The following AIG1 variants were observed in gnomAD, a reference collection of about 807,000 sequenced individuals.
AIG1 encodes androgen-induced gene 1 protein.
In AIG1, 23 loss-of-function variants were observed where a neutral mutation model predicts 31.4. The observed-to-expected ratio is 0.73, with a 90% CI of 0.53 to 1.04. The LOEUF (loss-of-function observed/expected upper bound fraction) is 1.04. Ranked by LOEUF, AIG1 falls within the 50% of genes least tolerant of loss-of-function variation. The pLI is 0.00. For missense variants in AIG1, 274 were observed against 295.0 expected (o/e 0.93, Z 0.52); for synonymous variants, 100 against 110.5 (o/e 0.90, Z 0.60).
intron 3 of AIG1, among the ~76,000 whole-genome samples, chr6:143,255,312 A>G (rs1795303204): frequency 6.6e-6 from 1 of 152,146 alleles, no homozygotes; most frequent in South Asian, 2.1e-4. Flanking sequence ...TAAACAACAG[A>G]AATTTGTTTT....
At chr6:143,308,300 G>A (rs61523637) in intron 4 of AIG1, among the ~76,000 whole-genome samples, 8,476 of 152,308 alleles carry the variant, frequency 0.056, 758 homozygotes, top group African/African-American at 0.19. Context: ...CTTCTGCATC[G>A]CTCACGCTGG....
chr6:143,195,488 A>C (rs1450555419), intron 3 of AIG1, among the ~76,000 whole-genome samples: 6 of 152,178 alleles, frequency 3.9e-5, no homozygotes, highest in East Asian at 1.9e-4. Flanking sequence ...AGTTTTAAAC[A>C]AGGGGAAGAT....
At chr6:143,214,148 G>A (rs1263756562) in intron 3 of AIG1, among the ~76,000 whole-genome samples, 1 of 152,186 alleles carries the variant, frequency 6.6e-6, no homozygotes, top group Non-Finnish European at 1.5e-5. Context: ...ATGCCTCCGT[G>A]TTTTCCTACA....
chr6:143,297,027 A>G lies in AIG1; in HGVS notation c.515+12802A>G, dbSNP rs185378260. On this transcript the variant is annotated intron_variant, in intron 4 of 5. Transcript: ENST00000357847. This position sits in a 1 kb window ranked among gnomAD's most constrained non-coding sequence, Gnocchi z 5.1. ...CTTCAGCTCTGTCCTCAAGGAGCTT[A>G]CAGTCTATTGAAGGATACAGGGAAC... 8.5e-5 allele frequency among the ~76,000 whole-genome samples: 13 copies of G among 152,328 alleles called. No individual in the cohort carries two copies. Among genetic ancestry groups the G allele is most frequent in the Admixed American group, 8.5e-4 (13 of 15,304 alleles).
At position 143,292,552 on chromosome 6, in the gene AIG1, C is replaced by G. The variant is rs1285059304; in HGVS notation, c.515+8327C>G. ...CTCCCCTAGGGCTTCCAGAAAGGAACTCAGCCCTGCTGACACCTTAATTTT... is the reference window on the plus strand; with the variant it reads ...CTCCCCTAGGGCTTCCAGAAAGGAAGTCAGCCCTGCTGACACCTTAATTTT... On this transcript the variant is annotated intron_variant, in intron 4 of 5. Coordinates refer to ENST00000357847, the MANE Select transcript of AIG1 (RefSeq NM_016108.4). The surrounding 1 kb of genome is among the most constrained non-coding windows in gnomAD (Gnocchi z 4.9). Among the ~76,000 whole-genome samples the G allele has an allele frequency of 2.0e-5, 3 of 151,282 alleles. No individual in the cohort carries two copies. Among genetic ancestry groups the G allele is most frequent in the Admixed American group, 2.0e-4 (3 of 15,268 alleles).
chr6:143,125,680 G>A (rs1346456669), intron 1 of AIG1, among the ~76,000 whole-genome samples: 4 of 152,154 alleles, frequency 2.6e-5, no homozygotes, highest in East Asian at 1.9e-4. Flanking sequence ...GGAACATGGC[G>A]TGACTGTACC....
At chr6:143,075,314 T>TTTTTG (rs1228702765) in intron 1 of AIG1, among the ~76,000 whole-genome samples, 1 of 152,122 alleles carries the variant, frequency 6.6e-6, no homozygotes, top group African/African-American at 2.4e-5. Context: ...TTGTTGCTGT[T>TTTTTG]TTTTGTTTTG....
chr6:143,221,533 A>G (rs951484284), intron 3 of AIG1, among the ~76,000 whole-genome samples: 2 of 152,184 alleles, frequency 1.3e-5, no homozygotes, highest in Non-Finnish European at 2.9e-5. Context: ...AATAGAGAAA[A>G]ATATGATACA....
upstream of AIG1, chr6:143,060,572 G>A: frequency 2.6e-6 from 1 of 377,728 alleles, no homozygotes. Context: ...CTCAGAGGTC[G>A]CATCCACACC....
intron 3 of AIG1, among the ~76,000 whole-genome samples, chr6:143,222,520 A>G (rs1189871576): frequency 1.3e-5 from 2 of 152,114 alleles, no homozygotes; most frequent in Admixed American, 1.3e-4. Context: ...CAGCTCTGCC[A>G]CTGTCTGGTT....
At chr6:143,088,567 T>C (rs1371454314) in intron 1 of AIG1, among the ~76,000 whole-genome samples, 6 of 152,192 alleles carry the variant, frequency 3.9e-5, no homozygotes, top group African/African-American at 1.4e-4. Context: ...GAGTATCACT[T>C]CTAGGCCTGG....
At chr6:143,191,873 C>T (rs1377569298) in intron 3 of AIG1, among the ~76,000 whole-genome samples, 1 of 152,174 alleles carries the variant, frequency 6.6e-6, no homozygotes, top group Non-Finnish European at 1.5e-5. Context: ...TTCAAAAGTT[C>T]ATTCATGAGC....
chr6:143,336,024 G>C (rs928938618), intron 5 of AIG1, among the ~76,000 whole-genome samples: 2 of 151,384 alleles, frequency 1.3e-5, no homozygotes, highest in Non-Finnish European at 2.9e-5. Context: ...ACTTTCCCTC[G>C]TTCTCACCTG....
intron 3 of AIG1, among the ~76,000 whole-genome samples, chr6:143,224,023 C>G (rs2128625819): frequency 6.6e-6 from 1 of 152,274 alleles, no homozygotes; most frequent in South Asian, 2.1e-4. Flanking sequence ...TGCCCTGCCT[C>G]TTCTGTGTTA....
Position 143,293,008 on chromosome 6 carries a change from A to C in AIG1, c.515+8783A>C, listed in dbSNP as rs928785408. ...TCCCGTCTTCCTCGGGTCTTTGAGC[A>C]AATTACTTATCCTCTCTTAGCCTCA... On this transcript the variant is annotated intron_variant, in intron 4 of 5. Transcript: ENST00000357847. The surrounding 1 kb of genome is among the most constrained non-coding windows in gnomAD (Gnocchi z 4.8). 2.0e-5 allele frequency among the ~76,000 whole-genome samples: 3 copies of C among 152,174 alleles called. No individual in the cohort carries two copies. Among genetic ancestry groups the C allele is most frequent in the African/African-American group, 7.2e-5 (3 of 41,428 alleles).
intron 3 of AIG1, among the ~76,000 whole-genome samples, chr6:143,229,525 C>A (rs1793270524): frequency 2.0e-5 from 3 of 152,116 alleles, no homozygotes; most frequent in South Asian, 4.1e-4. Context: ...TTCCAACTCA[C>A]CAGAACATGT....
At chr6:143,141,170 G>C (rs1357265540) in intron 2 of AIG1, among the ~76,000 whole-genome samples, 3 of 152,196 alleles carry the variant, frequency 2.0e-5, no homozygotes, top group African/African-American at 7.2e-5. Flanking sequence ...CTTTGCACAA[G>C]TTTTCCTGAA....
rs1278745853 is a variant in AIG1 at position 143,279,426 on chromosome 6, C to A, written c.400-4684C>A. On this transcript the variant is annotated intron_variant, in intron 3 of 5. Coordinates refer to ENST00000357847, the MANE Select transcript of AIG1 (RefSeq NM_016108.4). The surrounding 1 kb of genome is among the most constrained non-coding windows in gnomAD (Gnocchi z 5.4). ...GAACTAGATCTCAGATGCCAGCCTC[C>A]TAATCTTTCCACTTCATTACACTGC... 6.6e-6 allele frequency among the ~76,000 whole-genome samples: 1 copy of A among 152,206 alleles called. No individual in the cohort carries two copies. Among genetic ancestry groups the A allele is most frequent in the Non-Finnish European group, 1.5e-5 (1 of 68,030 alleles).
intron 3 of AIG1, among the ~76,000 whole-genome samples, chr6:143,193,471 T>G (rs1302140292): frequency 2.0e-5 from 3 of 152,218 alleles, no homozygotes; most frequent in African/African-American, 7.2e-5. Context: ...TTCTGTGGTG[T>G]AAATTCCACA....
Sources: allele counts gnomAD v4.1 joint callset (sites outside exome capture counted in the v4.1 genomes callset), GRCh38; gene constraint gnomAD v4.1.1; non-coding constraint Gnocchi (gnomAD v3.1); transcripts MANE v1.5; gene names NCBI Gene and HGNC (gene_info 2026-07-23, HGNC 2026-07-21).